The following AFAP1 variants were observed in gnomAD, a reference collection of about 807,000 sequenced individuals.
The protein encoded by AFAP1 is actin filament-associated protein 1.
In AFAP1, 75 loss-of-function variants were observed where a neutral mutation model predicts 93.9. The observed-to-expected ratio is 0.80, with a 90% CI of 0.66 to 0.97. The LOEUF is 0.97. Among genes scored for constraint, AFAP1 ranks in the 50% least tolerant of loss-of-function variants. The probability of loss-of-function intolerance (pLI) is 0.00; values close to 1 mark genes in which losing one functional copy is unlikely to be tolerated. For synonymous variants in AFAP1, 517 were observed against 430.7 expected, an observed-to-expected ratio of 1.20 and a Z score of -2.48; for missense variants, 1,201 against 1,050.8, an observed-to-expected ratio of 1.14 and a Z score of -1.98.
At chr4:7,911,154 C>T (rs367684640) in intron 1 of AFAP1, among the ~76,000 whole-genome samples, 7 of 152,298 alleles carry the variant, frequency 4.6e-5, no homozygotes, top group African/African-American at 1.4e-4. Flanking sequence ...CAAGTTACCA[C>T]GAAATGACCC....
intron 1 of AFAP1, among the ~76,000 whole-genome samples, chr4:7,875,462 T>G (rs1001168335): frequency 3.9e-5 from 6 of 152,156 alleles, no homozygotes; most frequent in East Asian, 3.8e-4. Context: ...TCATCTATAC[T>G]TTAAAAATGG....
At chr4:7,793,887 T>C (rs1439704096) in intron 10 of AFAP1, 61 bp from the exon 11 acceptor site, 8 of 1,439,658 alleles carry the variant, frequency 5.6e-6, no homozygotes, top group African/African-American at 4.2e-5. Context: ...TTTTCATAAA[T>C]GTGTCAATAA....
At chr4:7,928,514 A>G (rs1168270149) in intron 1 of AFAP1, among the ~76,000 whole-genome samples, 1 of 152,048 alleles carries the variant, frequency 6.6e-6, no homozygotes, top group East Asian at 1.9e-4. Context: ...CAGCCTCCCA[A>G]GTAGCTGGGA....
At chr4:7,778,500 C>G in intron 14 of AFAP1, 2 of 535,046 alleles carry the variant, frequency 3.7e-6, no homozygotes, top group South Asian at 4.0e-5. Flanking sequence ...CCTGCACTCA[C>G]AACTGCCTCC....
At chr4:7,930,177 A>G (rs545445838) in intron 1 of AFAP1, among the ~76,000 whole-genome samples, 1 of 152,372 alleles carries the variant, frequency 6.6e-6, no homozygotes, top group South Asian at 2.1e-4. Flanking sequence ...TACAAAGAAT[A>G]GAACACGGGA....
intron 6 of AFAP1, among the ~76,000 whole-genome samples, chr4:7,837,431 T>C (rs903799496): frequency 5.9e-5 from 9 of 152,162 alleles, no homozygotes; most frequent in Non-Finnish European, 1.2e-4. Context: ...AGGACACAGA[T>C]GGAAGATGCC....
At chr4:7,767,922 G>GT (rs1267932107) in intron 17 of AFAP1, among the ~76,000 whole-genome samples, 2 of 152,180 alleles carry the variant, frequency 1.3e-5, no homozygotes, top group Admixed American at 1.3e-4. Context: ...AAAGAATACA[G>GT]TAAGTTAGCT....
Position 7,921,494 on chromosome 4 carries a change from T to A in AFAP1, c.-3+18162A>T, listed in dbSNP as rs866282378. 1.5e-3 allele frequency among the ~76,000 whole-genome samples: 231 copies of A among 152,144 alleles called. 2 individuals carry two copies. The highest frequency in any genetic ancestry group is 5.3e-3 in the African/African-American group (219 of 41,512). The stretch of plus-strand genomic sequence containing the variant: ...GCCACCGCACCTGGCCACTTTTTTT[T>A]TAACCTATCTATTAGACTGACAAAC... On this transcript the variant is annotated intron_variant, in intron 1 of 17. Transcript: ENST00000420658.
chr4:7,849,141 C>A (rs1487758338), intron 4 of AFAP1, among the ~76,000 whole-genome samples: 1 of 152,124 alleles, frequency 6.6e-6, no homozygotes, highest in Non-Finnish European at 1.5e-5. Flanking sequence ...GCAGACCCTG[C>A]CTTTTCGTTT....
chr4:7,759,991 C>T lies in AFAP1; in HGVS notation c.*3774G>A, dbSNP rs1713550113. The T allele has an allele frequency of 6.6e-6, 1 of 152,252 alleles. No individual in the cohort carries two copies. Among genetic ancestry groups the T allele is most frequent in the Admixed American group, 6.5e-5 (1 of 15,286 alleles). The allele number at this position is 152,252 out of a possible 1,614,324, so 9.4% of individuals were successfully genotyped here. A position where few individuals can be genotyped will look rare whatever the true frequency, so the allele number is the denominator to read the frequency against. The stretch of plus-strand genomic sequence containing the variant: ...TCTGTGGGCAAAATTTACATCCCCC[C>T]AAATAGTGGGTGAGTAGAATTAATA... On this transcript the variant is annotated 3_prime_UTR_variant, in exon 18 of 18. Transcript: ENST00000420658.
intron 5 of AFAP1, among the ~76,000 whole-genome samples, chr4:7,839,717 T>G (rs971185890): frequency 2.6e-5 from 4 of 152,130 alleles, no homozygotes; most frequent in African/African-American, 9.7e-5. Flanking sequence ...TGCTTAATCT[T>G]TATCTGTAAA....
chr4:7,933,041 G>GC (rs1387680330), intron 1 of AFAP1, among the ~76,000 whole-genome samples: 4 of 52,514 alleles, frequency 7.6e-5, no homozygotes, highest in Non-Finnish European at 1.0e-4. Context: ...AAAAAAAAAA[G>GC]GGGGGGGATC....
chr4:7,871,939 G>C lies in AFAP1; in HGVS notation c.127+13C>G, dbSNP rs757280875. Reference sequence around the variant, plus strand: ...CTGTAAGAAGGAAAAGCAGGCGTCAGAATGAGACTCACCTTTGGATGACTG... The same window carrying C: ...CTGTAAGAAGGAAAAGCAGGCGTCACAATGAGACTCACCTTTGGATGACTG... On this transcript the variant is annotated intron_variant, in intron 2 of 17. Transcript: ENST00000420658. 2.7e-5 allele frequency: 43 copies of C among 1,614,032 alleles called. No homozygotes were observed. The highest frequency in any genetic ancestry group is 3.5e-5 in the Non-Finnish European group (41 of 1,179,998).
chr4:7,824,753 G>A (rs1454099578), intron 6 of AFAP1, among the ~76,000 whole-genome samples: 1 of 152,190 alleles, frequency 6.6e-6, no homozygotes, highest in Non-Finnish European at 1.5e-5. Context: ...GAAGGCTGAG[G>A]GAACGGGAGG....
chr4:7,925,714 G>A (rs997386525), intron 1 of AFAP1, among the ~76,000 whole-genome samples: 4 of 152,052 alleles, frequency 2.6e-5, no homozygotes, highest in South Asian at 2.1e-4. Context: ...GCATGGTGGC[G>A]CATGCCTGTA....
rs1719766726 is a variant in AFAP1 at position 7,808,932 on chromosome 4, C to A, written c.1054+682G>T. ...AAGCTGCGCAGATGCTGGCACCATA[C>A]TTGTATAGCCTGCAGAACCATAAGC... On this transcript the variant is annotated intron_variant, in intron 9 of 17. Transcript: ENST00000420658. 2.0e-5 allele frequency among the ~76,000 whole-genome samples: 3 copies of A among 152,318 alleles called. No homozygotes were observed. In the South Asian group the frequency reaches 6.2e-4, roughly 32 times the overall value.
At chr4:7,844,543 C>T (rs1372720315) in intron 4 of AFAP1, among the ~76,000 whole-genome samples, 2 of 152,208 alleles carry the variant, frequency 1.3e-5, no homozygotes, top group African/African-American at 4.8e-5. Flanking sequence ...CGCAGCACAC[C>T]TCAACACTGG....
intron 10 of AFAP1, among the ~76,000 whole-genome samples, chr4:7,799,777 T>C (rs551342408): frequency 6.6e-6 from 1 of 152,336 alleles, no homozygotes; most frequent in South Asian, 2.1e-4. Context: ...AATTAAAAAC[T>C]TTCAATAATG....
intron 6 of AFAP1, among the ~76,000 whole-genome samples, chr4:7,830,562 A>G (rs1721798223): frequency 6.6e-6 from 1 of 152,166 alleles, no homozygotes; most frequent in African/African-American, 2.4e-5. Flanking sequence ...AGTATCATTT[A>G]CCTTGAATGG....
Sources: gnomAD v4.1 joint callset for allele counts (sites outside exome capture counted in the v4.1 genomes callset) on GRCh38, gnomAD v4.1.1 for gene constraint, MANE v1.5 for transcripts, NCBI Gene and HGNC (gene_info 2026-07-23, HGNC 2026-07-21) for gene names.